Variants in TMPRSS11D observed in about 807,000 individuals in gnomAD.
TMPRSS11D encodes transmembrane serine protease 11D, also known as transmembrane protease serine 11D.
TMPRSS11D carries 32 observed loss-of-function variants against 44.4 expected under a neutral mutation model. The ratio of observed to expected loss-of-function variants is 0.72; its 90% CI spans 0.54 to 0.97. TMPRSS11D has a LOEUF of 0.97. Ranked by LOEUF, TMPRSS11D falls within the 50% of genes least tolerant of loss-of-function variation. TMPRSS11D has a pLI of 0.00. For synonymous variants in TMPRSS11D, 179 were observed against 177.9 expected (o/e 1.01, Z -0.05); for missense variants, 446 against 502.6 (o/e 0.89, Z 1.08).
At chr4:67,837,226 C>T (rs1043247599) in intron 5 of TMPRSS11D, among the ~76,000 whole-genome samples, 3 of 152,102 alleles carry the variant, frequency 2.0e-5, no homozygotes, top group African/African-American at 7.2e-5. Flanking sequence ...TGTGTGGAAG[C>T]AGAGGTAATA....
At chr4:67,844,245 A>C (rs571493818) in intron 3 of TMPRSS11D, among the ~76,000 whole-genome samples, 2 of 152,356 alleles carry the variant, frequency 1.3e-5, no homozygotes, top group South Asian at 4.1e-4. Context: ...CTTCTCAAAA[A>C]TGGTAAAATT....
chr4:67,879,949 T>G (rs532766609), intron 1 of TMPRSS11D, among the ~76,000 whole-genome samples: 1 of 152,294 alleles, frequency 6.6e-6, no homozygotes, highest in East Asian at 1.9e-4. Context: ...CAAAGAAATA[T>G]TATACAGCTA....
At chr4:67,842,695 A>T in intron 3 of TMPRSS11D, 70 bp from the exon 4 acceptor site, 1 of 1,370,056 alleles carries the variant, frequency 7.3e-7, no homozygotes, top group Non-Finnish European at 1.0e-6. Flanking sequence ...TCAACCTTGC[A>T]ACATGAGACA....
chr4:67,870,037 T>C (rs559267946), intron 1 of TMPRSS11D, among the ~76,000 whole-genome samples: 1 of 152,322 alleles, frequency 6.6e-6, no homozygotes, highest in South Asian at 2.1e-4. Context: ...CCTGTGGTGC[T>C]ACACTGATCA....
In TMPRSS11D at chr4:67,854,151, G is replaced by A. The variant is rs1270316325; in HGVS notation, c.166C>T (p.Leu56Phe). Residue 56 changes from leucine to phenylalanine, a missense_variant, in exon 3 of 10, where the codon CTC becomes TTC. By Grantham distance (22) the Leu-to-Phe change is conservative. Transcript: ENST00000283916. The part of the protein sequence containing the change: ...KSYFYRSSFQ[L>F]LNVEYNSQLN... Reference sequence around the variant, plus strand: ...TGACTATTATATTCAACATTTAGGAGTTGAAAACTGCTCCTATAAAAGTAA... The same window carrying A: ...TGACTATTATATTCAACATTTAGGAATTGAAAACTGCTCCTATAAAAGTAA... The A allele has an allele frequency of 7.5e-6, 12 of 1,589,460 alleles. No homozygotes were observed. Among genetic ancestry groups the A allele is most frequent in the Non-Finnish European group, 8.6e-6 (10 of 1,168,450 alleles).
At chr4:67,852,506 C>T (rs1315623492) in intron 3 of TMPRSS11D, among the ~76,000 whole-genome samples, 1 of 152,126 alleles carries the variant, frequency 6.6e-6, no homozygotes, top group African/African-American at 2.4e-5. Context: ...AGCTAATGTT[C>T]AGTGAGAACC....
In TMPRSS11D at chr4:67,833,314, C is replaced by T. The variant is rs769965359; in HGVS notation, c.582G>A (p.Glu194=). The T allele has an allele frequency of 2.5e-6, 4 of 1,594,164 alleles. No homozygotes were observed. The South Asian group carries it at 4.5e-5, about 18-fold the overall frequency. ...TGACTTGCCACGGCCAGCTTCCCTCCTCAGCCTCAGTGCCTCCAAGGATTC... is the reference window on the plus strand; with the variant it reads ...TGACTTGCCACGGCCAGCTTCCCTCTTCAGCCTCAGTGCCTCCAAGGATTC... The part of the protein sequence containing the change: ...EQRILGGTEA[E]EGSWPWQVSL... The change falls in exon 7 of 10, where the codon GAG becomes GAA. Residue 194 remains glutamate (E), a synonymous_variant. Coordinates refer to ENST00000283916, the MANE Select transcript of TMPRSS11D (RefSeq NM_004262.3).
intron 1 of TMPRSS11D, among the ~76,000 whole-genome samples, chr4:67,878,387 T>A (rs1577835239): frequency 6.6e-6 from 1 of 152,298 alleles, no homozygotes; most frequent in Middle Eastern, 3.4e-3. Context: ...TTCCACAGAG[T>A]AAATGTTTTC....
intron 7 of TMPRSS11D, among the ~76,000 whole-genome samples, chr4:67,832,726 A>C (rs961067137): frequency 2.0e-5 from 3 of 150,560 alleles, no homozygotes; most frequent in Admixed American, 6.7e-5. Context: ...GAATGAATAA[A>C]TTAATGGCAT....
chr4:67,870,945 G>A (rs9991570), intron 1 of TMPRSS11D, among the ~76,000 whole-genome samples: 151,010 of 152,294 alleles, frequency 0.99, 74,879 homozygotes, highest in East Asian at 1. Context: ...GTCTCCCTCC[G>A]CCAGTTAAGA....
rs1040056911 is a variant in TMPRSS11D at position 67,865,237 on chromosome 4, GA to G, written c.9-5560del. Among the ~76,000 whole-genome samples, 11 of 148,474 alleles carry G rather than the reference GA, an allele frequency of 7.4e-5. No homozygotes were observed. The South Asian group carries it at 1.1e-3, about 14-fold the overall frequency. On this transcript the variant is annotated intron_variant, in intron 1 of 9. Transcript: ENST00000283916. ...AACTCTTAAAACTATATAAAAACAT[GA>G]AAAAAAAACCCAACATGCTCCTGAA...
At position 67,854,096 on chromosome 4, in the gene TMPRSS11D, C is replaced by A; in HGVS notation, c.221G>T (p.Arg74Met). The A allele has an allele frequency of 6.3e-7, 1 of 1,587,416 alleles. No individual in the cohort carries two copies. The highest frequency in any genetic ancestry group is 1.8e-5 in the Admixed American group (1 of 55,646). ...AGATTCAATTCTTCCACTCAAAGTC[C>A]TGTATTCCTGTGTAGCTGGTGAATT... ...QLNSPATQEY[R>M]TLSGRIESLI... Residue 74 changes from arginine to methionine, a missense_variant, in exon 3 of 10, where the codon AGG (arginine) becomes ATG (methionine). Physicochemically the swap from Arg to Met is moderately conservative, Grantham distance 91 (BLOSUM62 -1). Transcript: ENST00000283916.
chr4:67,857,579 G>A (rs1718682404), intron 2 of TMPRSS11D, among the ~76,000 whole-genome samples: 1 of 151,824 alleles, frequency 6.6e-6, no homozygotes, highest in Admixed American at 6.6e-5. Flanking sequence ...GCAACAAAGT[G>A]AGACCCCATC....
intron 1 of TMPRSS11D, among the ~76,000 whole-genome samples, chr4:67,876,546 T>A (rs1057285742): frequency 2.3e-4 from 35 of 152,334 alleles, no homozygotes; most frequent in Admixed American, 2.1e-3. Context: ...TTTTGTGGAA[T>A]CATAGCATGT....
chr4:67,864,842 A>G (rs183178215), intron 1 of TMPRSS11D, among the ~76,000 whole-genome samples: 200 of 152,060 alleles, frequency 1.3e-3, no homozygotes, highest in African/African-American at 4.3e-3. Context: ...AAATGTATAC[A>G]TATCCAACAC....
chr4:67,868,646 T>A (rs891955766), intron 1 of TMPRSS11D, among the ~76,000 whole-genome samples: 31 of 152,136 alleles, frequency 2.0e-4, no homozygotes, highest in African/African-American at 6.8e-4. Context: ...TGGAAAATAA[T>A]CTAGAAAAAT....
intron 7 of TMPRSS11D, among the ~76,000 whole-genome samples, chr4:67,832,610 A>G (rs1394137535): frequency 6.6e-6 from 1 of 151,166 alleles, no homozygotes; most frequent in Non-Finnish European, 1.5e-5. Context: ...TCTGATTCCA[A>G]CATTCGAGTG....
At chr4:67,869,558 G>T (rs768531100) in intron 1 of TMPRSS11D, among the ~76,000 whole-genome samples, 1 of 152,078 alleles carries the variant, frequency 6.6e-6, no homozygotes, top group Non-Finnish European at 1.5e-5. Context: ...TTTTACATGT[G>T]AGACTAAAAA....
chr4:67,839,167 A>T (rs1430089185), intron 4 of TMPRSS11D: 1 of 152,138 alleles, frequency 6.6e-6, no homozygotes, highest in East Asian at 1.9e-4. Context: ...TCCAGATATG[A>T]ATTTAATATT....
Sources: gnomAD v4.1 joint callset for allele counts (sites outside exome capture counted in the v4.1 genomes callset) on GRCh38, gnomAD v4.1.1 for gene constraint, MANE v1.5 for transcripts, NCBI Gene and HGNC (gene_info 2026-07-23, HGNC 2026-07-21) for gene names.